TESC: variants seen among roughly 807,000 people sequenced by gnomAD.
TESC encodes the protein tescalcin.
A neutral mutation model predicts 31.0 loss-of-function variants in TESC; 19 were observed. The ratio of observed to expected loss-of-function variants is 0.61; its 90% CI spans 0.43 to 0.90. TESC has a LOEUF of 0.90. TESC is among the 40% of genes least tolerant of loss of function. The pLI is 0.00. For missense variants in TESC, 248 were observed against 303.8 expected (o/e 0.82, Z 1.36); for synonymous variants, 109 against 114.8 (o/e 0.95, Z 0.32).
intron 1 of TESC, among the ~76,000 whole-genome samples, chr12:117,086,303 T>C (rs1268820001): frequency 6.6e-6 from 1 of 152,156 alleles, no homozygotes; most frequent in African/African-American, 2.4e-5. Flanking sequence ...GGTTTCACCA[T>C]GTTGGCCAGG....
rs1335934147 is a variant in TESC, at chr12:117,039,132, G to A, written c.*1C>T. The A allele has an allele frequency of 6.2e-7, 1 of 1,613,962 alleles. No homozygotes were observed. Among genetic ancestry groups the A allele is most frequent in the Admixed American group, 1.7e-5 (1 of 60,008 alleles). On this transcript the variant is annotated 3_prime_UTR_variant, in exon 8 of 8. Coordinates refer to ENST00000335209, the MANE Select transcript of TESC (RefSeq NM_017899.4). ...AGTTTCTCCGCGGAGGTGGCGGTGG[G>A]TCAGTGGCAGAGGGCCATGGTTTCC... is the stretch of plus-strand genomic sequence containing the variant.
intron 1 of TESC, among the ~76,000 whole-genome samples, chr12:117,093,036 G>A (rs932086847): frequency 1.3e-5 from 2 of 152,206 alleles, no homozygotes; most frequent in Non-Finnish European, 2.9e-5. Context: ...ACGGGGGACT[G>A]GCTGGTTGGC....
intron 1 of TESC, among the ~76,000 whole-genome samples, chr12:117,076,940 T>TATAC (rs1955082168): frequency 6.6e-6 from 1 of 152,142 alleles, no homozygotes; most frequent in Non-Finnish European, 1.5e-5. Context: ...CTGGGGACTA[T>TATAC]ATACAGTTCA....
intron 4 of TESC, 38 bp downstream of exon 4, chr12:117,048,981 C>T (rs527239655): frequency 1.9e-6 from 3 of 1,613,616 alleles, no homozygotes; most frequent in Non-Finnish European, 2.5e-6. Context: ...GGCTGCACCC[C>T]AGGCCAGGTG....
intron 7 of TESC, among the ~76,000 whole-genome samples, chr12:117,041,204 A>C (rs562323356): frequency 6.6e-6 from 1 of 152,194 alleles, no homozygotes; most frequent in African/African-American, 2.4e-5. Flanking sequence ...CCGCTTTACG[A>C]AAGTGTCATT....
In TESC at chr12:117,066,468, T is replaced by G. The variant is rs1231015335; in HGVS notation, c.128+8803A>C. ...CTCACTGCAAGCTCCGCCTCCCGGG[T>G]TCACGCCATTCTCCTGCCTCAGCCT... On this transcript the variant is annotated intron_variant, in intron 2 of 7. Transcript: ENST00000335209. 2.7e-5 allele frequency among the ~76,000 whole-genome samples: 4 copies of G among 149,860 alleles called. No individual in the cohort carries two copies. The East Asian group carries it at 7.8e-4, about 29-fold the overall frequency.
intron 1 of TESC, among the ~76,000 whole-genome samples, chr12:117,075,853 A>ATATATATATATATGTGTG (rs1955047465): frequency 2.2e-5 from 1 of 46,406 alleles, no homozygotes; most frequent in Non-Finnish European, 3.8e-5. Flanking sequence ...GTGTGTATAT[A>ATATATATATATATGTGTG]TATATATATA....
In TESC at chr12:117,073,058, A is replaced by G. The variant is rs183315151; in HGVS notation, c.128+2213T>C. 3.3e-5 allele frequency among the ~76,000 whole-genome samples: 5 copies of G among 152,330 alleles called. No individual in the cohort carries two copies. The East Asian group carries it at 9.6e-4, about 29-fold the overall frequency. Reference sequence around the variant, plus strand: ...CACTGTTTTCCAGCATCCAGTGTCCATATATGCCACCTCCCCGCTAGATCT... The same window carrying G: ...CACTGTTTTCCAGCATCCAGTGTCCGTATATGCCACCTCCCCGCTAGATCT... On this transcript the variant is annotated intron_variant, in intron 2 of 7. Coordinates refer to ENST00000335209, the MANE Select transcript of TESC (RefSeq NM_017899.4).
intron 2 of TESC, among the ~76,000 whole-genome samples, chr12:117,072,603 C>T (rs191152439): frequency 5.9e-5 from 9 of 152,342 alleles, no homozygotes; most frequent in Admixed American, 2.6e-4. Flanking sequence ...TTGGATGGAT[C>T]TAACATCAGA....
At chr12:117,096,987 A>T (rs1036559954) in intron 1 of TESC, among the ~76,000 whole-genome samples, 18 of 151,966 alleles carry the variant, frequency 1.2e-4, no homozygotes, top group Non-Finnish European at 2.5e-4. Context: ...CTCCATTCTC[A>T]TGCCACCCTG....
At chr12:117,073,266 A>G (rs1264420756) in intron 2 of TESC, among the ~76,000 whole-genome samples, 1 of 152,132 alleles carries the variant, frequency 6.6e-6, no homozygotes, top group Non-Finnish European at 1.5e-5. Flanking sequence ...GGCCATGGCG[A>G]TTGGCTCAGA....
At chr12:117,074,953 T>C (rs1955027163) in intron 2 of TESC, among the ~76,000 whole-genome samples, 1 of 152,152 alleles carries the variant, frequency 6.6e-6, no homozygotes, top group Non-Finnish European at 1.5e-5. Flanking sequence ...GAAACCATCC[T>C]GGCTAACACG....
At chr12:117,085,127 G>T (rs537555358) in intron 1 of TESC, among the ~76,000 whole-genome samples, 1 of 152,320 alleles carries the variant, frequency 6.6e-6, no homozygotes, top group Non-Finnish European at 1.5e-5. Flanking sequence ...ATGGGGTTCT[G>T]GGGGTGGGGT....
At position 117,073,757 on chromosome 12, in the gene TESC, C is replaced by T. The variant is rs117691052; in HGVS notation, c.128+1514G>A. Among the ~76,000 whole-genome samples the T allele has an allele frequency of 3.2e-3, 494 of 152,242 alleles. 10 individuals are homozygous for T. In the South Asian group the frequency reaches 0.04, roughly 12 times the overall value. On this transcript the variant is annotated intron_variant, in intron 2 of 7. Transcript: ENST00000335209. The stretch of plus-strand genomic sequence containing the variant: ...AAGCTTCCCCATGAACTCTGTGTGA[C>T]GATCAAGTCACTGGCAAGGACCTCT...
At chr12:117,048,914 C>T in intron 4 of TESC, 105 bp downstream of exon 4, 2 of 1,566,092 alleles carry the variant, frequency 1.3e-6, no homozygotes, top group Non-Finnish European at 1.7e-6. Context: ...GCCCCCAAGC[C>T]AATGCACACC....
At chr12:117,059,310 C>T (rs1173335446) in intron 2 of TESC, among the ~76,000 whole-genome samples, 5 of 152,204 alleles carry the variant, frequency 3.3e-5, no homozygotes, top group East Asian at 3.9e-4. Flanking sequence ...AGGACCTGGC[C>T]GATTCCCGGG....
intron 1 of TESC, among the ~76,000 whole-genome samples, chr12:117,094,778 G>T (rs532017465): frequency 6.6e-6 from 1 of 152,198 alleles, no homozygotes; most frequent in Non-Finnish European, 1.5e-5. Context: ...CACTTTGGGA[G>T]GCAGAGGCAG....
rs774188543 is a variant in TESC, at chr12:117,039,089, G to A, written c.*44C>T. ...GGCTGCTCCAGCTACGCGGGGAGGC[G>A]GCCCCATTGCAAAGTGCAGTTTCTC... On this transcript the variant is annotated 3_prime_UTR_variant, in exon 8 of 8. Transcript: ENST00000335209. The A allele has an allele frequency of 1.2e-5, 20 of 1,602,362 alleles. No homozygotes were observed. Among genetic ancestry groups the A allele is most frequent in the African/African-American group, 5.4e-5 (4 of 74,700 alleles).
chr12:117,053,408 C>G (rs1383348348), intron 3 of TESC, among the ~76,000 whole-genome samples: 1 of 152,188 alleles, frequency 6.6e-6, no homozygotes, highest in Non-Finnish European at 1.5e-5. Context: ...TGCATTCCAC[C>G]CCAAGAGCCG....
Sources: gnomAD v4.1 joint callset for allele counts (sites outside exome capture counted in the v4.1 genomes callset) on GRCh38, gnomAD v4.1.1 for gene constraint, MANE v1.5 for transcripts, NCBI Gene and HGNC (gene_info 2026-07-23, HGNC 2026-07-21) for gene names.